The following TCP10L variants were observed in gnomAD, a reference collection of about 807,000 sequenced individuals.
TCP10L encodes the protein T-complex protein 10A homolog 1.
In TCP10L, 11 loss-of-function variants were observed where a neutral mutation model predicts 19.2. The observed-to-expected ratio is 0.57, with a 90% CI of 0.36 to 0.95. The LOEUF (loss-of-function observed/expected upper bound fraction) is 0.95, where lower values mean the gene tolerates loss of function less well. Ranked by LOEUF, TCP10L falls within the 40% of genes least tolerant of loss-of-function variation. The pLI is 0.01. For synonymous variants in TCP10L, 96 were observed against 97.2 expected (o/e 0.99, Z 0.07); for missense variants, 247 against 263.9 (o/e 0.94, Z 0.44).
rs188851727 is a variant in TCP10L, at chr21:32,575,894, C to G, written c.*880G>C. On this transcript the variant is annotated 3_prime_UTR_variant, in exon 5 of 5. Transcript: ENST00000300258. ...CAAATGGAGAAAGGGGAACAAAGCA[C>G]CCAAGTGCATCTAGCCCCAGCCACA... 5.8e-6 allele frequency: 1 copy of G among 173,240 alleles called. No homozygotes were observed. The highest frequency in any genetic ancestry group is 5.8e-5 in the Admixed American group (1 of 17,274). 10.7% of individuals were successfully genotyped at this position (173,240 alleles called of 1,614,324 possible).
rs1429962540 is a variant in TCP10L at position 32,582,771 on chromosome 21, T to C, written c.145-356A>G. On this transcript the variant is annotated intron_variant, in intron 2 of 4. Transcript: ENST00000300258. This position sits in a 1 kb window ranked among gnomAD's most constrained non-coding sequence, Gnocchi z 4.2. ...CCATACTTCGCTAATTTTTGTATTT[T>C]TACTCGGGATGGGGGTTCACCATGT... is the stretch of plus-strand genomic sequence containing the variant. Among the ~76,000 whole-genome samples, 1 of 151,996 alleles carries C rather than the reference T, an allele frequency of 6.6e-6. No homozygotes were observed. The highest frequency in any genetic ancestry group is 1.5e-5 in the Non-Finnish European group (1 of 68,018).
Position 32,576,829 on chromosome 21 carries a change from C to T in TCP10L, c.593G>A (p.Arg198Lys), listed in dbSNP as rs191355375. Residue 198 changes from arginine to lysine, a missense_variant, in exon 5 of 5, where the codon AGA becomes AAA. By Grantham distance (26) the Arg-to-Lys change is conservative. Coordinates refer to ENST00000300258, the MANE Select transcript of TCP10L (RefSeq NM_144659.7). ...AGTTGGCCTTCCAGTAGGTGTTGCT[C>T]TTCTGTCTTGACGTCTCCTGGAAAG... ...KNLSRRRQDR[R>K]ATPTGRPTPC... The T allele has an allele frequency of 5.0e-6, 8 of 1,614,140 alleles. No individual in the cohort carries two copies. The highest frequency in any genetic ancestry group is 6.8e-6 in the Non-Finnish European group (8 of 1,180,030).
rs559277524 is a variant in TCP10L, at chr21:32,580,896, A to T, written c.360+1304T>A. On this transcript the variant is annotated intron_variant, in intron 3 of 4. Coordinates refer to ENST00000300258, the MANE Select transcript of TCP10L (RefSeq NM_144659.7). ...TGAGAATGCTGGTTCTTCGTTCGGGATAGAGCAGGTTAGTGATACAGGATG... is the reference window on the plus strand; with the variant it reads ...TGAGAATGCTGGTTCTTCGTTCGGGTTAGAGCAGGTTAGTGATACAGGATG... Among the ~76,000 whole-genome samples, 372 of 152,276 alleles carry T rather than the reference A, an allele frequency of 2.4e-3. 1 individual carries two copies. Among genetic ancestry groups the T allele is most frequent in the Admixed American group, 3.5e-3 (53 of 15,298 alleles).
chr21:32,584,771 C>T (rs901543825), intron 1 of TCP10L, among the ~76,000 whole-genome samples: 5 of 151,972 alleles, frequency 3.3e-5, no homozygotes, highest in East Asian at 1.9e-4. Context: ...CATGAGACAC[C>T]GAGGGAATTC....
rs780647088 is a variant in TCP10L, at chr21:32,582,210, G to A, written c.350C>T (p.Ser117Leu). The change falls in exon 3 of 5, where the codon TCG (serine) becomes TTG (leucine). Residue 117 changes from serine (S) to leucine (L), a missense_variant. Ser to Leu is a moderately radical substitution (Grantham distance 145). Transcript: ENST00000300258. This position sits in a 1 kb window ranked among gnomAD's most constrained non-coding sequence, Gnocchi z 4.2. ...ATGCGCTTTTGGTACCAGAGTGTGC[G>A]ATTCTTGCCCCGCGTGTGGGGACGC... is the stretch of plus-strand genomic sequence containing the variant. ...SAASPHAGQESHTLALEPAFG... is the reference protein window; with the variant it reads ...SAASPHAGQELHTLALEPAFG... 14 of 1,613,934 alleles carry A rather than the reference G, an allele frequency of 8.7e-6. No individual in the cohort carries two copies. Among genetic ancestry groups the A allele is most frequent in the African/African-American group, 6.7e-5 (5 of 74,910 alleles).
At chr21:32,577,428 G>C (rs1601121573) in intron 4 of TCP10L, 2 of 152,806 alleles carry the variant, frequency 1.3e-5, no homozygotes, top group East Asian at 1.9e-4. Flanking sequence ...TTTCCTACTT[G>C]TGACAAATGC....
Position 32,582,098 on chromosome 21 carries a change from G to C in TCP10L, c.360+102C>G. The C allele has an allele frequency of 1.5e-6, 2 of 1,333,200 alleles. No individual in the cohort carries two copies. The highest frequency in any genetic ancestry group is 2.7e-5 in the South Asian group (2 of 73,638). The allele number at this position is 1,333,200 out of a possible 1,614,324, so 82.6% of individuals were successfully genotyped here. A position where few individuals can be genotyped will look rare whatever the true frequency, so the allele number is the denominator to read the frequency against. ...AGCAACCCCTCCCACCACCCGGAGCGTGAGTGATACCGCGTCATTCAGCAA... is the reference window on the plus strand; with the variant it reads ...AGCAACCCCTCCCACCACCCGGAGCCTGAGTGATACCGCGTCATTCAGCAA... On this transcript the variant is annotated intron_variant, in intron 3 of 4. Transcript: ENST00000300258. The surrounding 1 kb of genome is among the most constrained non-coding windows in gnomAD (Gnocchi z 4.2).
chr21:32,576,512 A>C lies in TCP10L; in HGVS notation c.*262T>G. On this transcript the variant is annotated 3_prime_UTR_variant, in exon 5 of 5. Coordinates refer to ENST00000300258, the MANE Select transcript of TCP10L (RefSeq NM_144659.7). ...GTTAATTTTTTTAAAGACTCTGCAG[A>C]AATATACCAACTACAGAGCTCAGGA... is the stretch of plus-strand genomic sequence containing the variant. The C allele has an allele frequency of 3.3e-6, 2 of 610,038 alleles. No individual in the cohort carries two copies. The highest frequency in any genetic ancestry group is 5.6e-6 in the Non-Finnish European group (2 of 357,360). 37.8% of individuals were successfully genotyped at this position (610,038 alleles called of 1,614,324 possible).
chr21:32,578,655 C>T lies in TCP10L; in HGVS notation c.498+39G>A. On this transcript the variant is annotated intron_variant, in intron 4 of 4. Transcript: ENST00000300258. The surrounding 1 kb of genome is among the most constrained non-coding windows in gnomAD (Gnocchi z 4.2). ...GGATGTGTGTGTTTGGGTACAGAAC[C>T]TCTGCTTCTCTTTACAGATGATAAG... The T allele has an allele frequency of 6.3e-7, 1 of 1,595,532 alleles. No individual in the cohort carries two copies. The highest frequency in any genetic ancestry group is 1.3e-5 in the African/African-American group (1 of 74,312).
chr21:32,580,334 C>G (rs1263614321), intron 3 of TCP10L, among the ~76,000 whole-genome samples: 1 of 152,032 alleles, frequency 6.6e-6, no homozygotes, highest in Admixed American at 6.5e-5. Context: ...TCTCAATCTC[C>G]TGACCTCACG....
intron 3 of TCP10L, among the ~76,000 whole-genome samples, chr21:32,580,476 CTGTGTGTGTGTGTGTG>C (rs3056366): frequency 1.2e-4 from 17 of 137,318 alleles, no homozygotes; most frequent in South Asian, 7.6e-4. Context: ...CGGTGGGTGC[CTGTGTGTGTGTGTGTG>C]TGTGTGTGTG....
rs776942101 is a variant in TCP10L, at chr21:32,578,862, C to T, written c.361-31G>A. The T allele has an allele frequency of 1.2e-6, 2 of 1,612,922 alleles. No individual in the cohort carries two copies. Among genetic ancestry groups the T allele is most frequent in the Non-Finnish European group, 1.7e-6 (2 of 1,179,744 alleles). ...AGACAAAATGCAGGGAAATTCTTCA[C>T]ATTTTCGAAGGTAAAATAAATTCAA... On this transcript the variant is annotated intron_variant, in intron 3 of 4. Transcript: ENST00000300258. This position sits in a 1 kb window ranked among gnomAD's most constrained non-coding sequence, Gnocchi z 4.2.
rs1012126031 is a variant in TCP10L, at chr21:32,574,296, G to C, written c.*2478C>G. On this transcript the variant is annotated 3_prime_UTR_variant, in exon 5 of 5. Coordinates refer to ENST00000300258, the MANE Select transcript of TCP10L (RefSeq NM_144659.7). Reference sequence around the variant, plus strand: ...TGATAAAAAATGAAACTTTGACTTGGGAAACTCTTAAGCCATGAAAAATAT... The same window carrying C: ...TGATAAAAAATGAAACTTTGACTTGCGAAACTCTTAAGCCATGAAAAATAT... Among the ~76,000 whole-genome samples, 56 of 152,048 alleles carry C rather than the reference G, an allele frequency of 3.7e-4. No homozygotes were observed. The highest frequency in any genetic ancestry group is 3.7e-3 in the Admixed American group (56 of 15,264).
At chr21:32,585,239 C>T (rs930177736) in intron 1 of TCP10L, among the ~76,000 whole-genome samples, 182 bp downstream of exon 1, 11 of 152,200 alleles carry the variant, frequency 7.2e-5, no homozygotes, top group Non-Finnish European at 1.2e-4. Context: ...TCCTTCCCCG[C>T]GGAGACTGGG....
At position 32,582,408 on chromosome 21, in the gene TCP10L, T is replaced by A; in HGVS notation, c.152A>T (p.Gln51Leu). ...DCNTGEMPPLQQQIIRLHQEL... is the reference protein window; with the variant it reads ...DCNTGEMPPLLQQIIRLHQEL... ...TTGGTGGAGTCTGATGATCTGCTGC[T>A]GTAATGGCTGTTATTGGGAAGAGAA... Residue 51 changes from glutamine (Q) to leucine (L), a missense_variant, in exon 3 of 5, where the codon CAG (glutamine) becomes CTG (leucine). By Grantham distance (113) the Gln-to-Leu change is moderately radical (BLOSUM62 -2). Transcript: ENST00000300258. This position sits in a 1 kb window ranked among gnomAD's most constrained non-coding sequence, Gnocchi z 4.2. 6.2e-7 allele frequency: 1 copy of A among 1,611,240 alleles called. No individual in the cohort carries two copies. Among genetic ancestry groups the A allele is most frequent in the Non-Finnish European group, 8.5e-7 (1 of 1,179,378 alleles).
rs925550754 is a variant in TCP10L, at chr21:32,578,743, G to A, written c.449C>T (p.Ala150Val). Residue 150 changes from alanine to valine, a missense_variant, in exon 4 of 5, where the codon GCC becomes GTC. Physicochemically the swap from Ala to Val is moderately conservative, Grantham distance 64. Transcript: ENST00000300258. This position sits in a 1 kb window ranked among gnomAD's most constrained non-coding sequence, Gnocchi z 4.2. ...TGACGATCTTTGTCCCAGGAGAGTG[G>A]CACTCTGATTCTTGTGGCCAGCGTA... ...PKYAGHKNQS[A>V]TLLGQRSSSN... is the part of the protein sequence containing the mutation. 3 of 1,614,054 alleles carry A rather than the reference G, an allele frequency of 1.9e-6. No homozygotes were observed. Among genetic ancestry groups the A allele is most frequent in the African/African-American group, 2.7e-5 (2 of 74,916 alleles).
chr21:32,581,001 G>A lies in TCP10L; in HGVS notation c.360+1199C>T, dbSNP rs564273061. On this transcript the variant is annotated intron_variant, in intron 3 of 4. Coordinates refer to ENST00000300258, the MANE Select transcript of TCP10L (RefSeq NM_144659.7). ...CCTGGGCCTGTGCCCATGGACCTACGCATTTCTGCTTTTGTGCCCAAATGT... is the reference window on the plus strand; with the variant it reads ...CCTGGGCCTGTGCCCATGGACCTACACATTTCTGCTTTTGTGCCCAAATGT... Among the ~76,000 whole-genome samples, 11 of 152,344 alleles carry A rather than the reference G, an allele frequency of 7.2e-5. No individual in the cohort carries two copies. The East Asian group carries it at 1.2e-3, about 16-fold the overall frequency.
intron 4 of TCP10L, chr21:32,577,320 G>A (rs1601121469): frequency 5.7e-6 from 1 of 175,516 alleles, no homozygotes; most frequent in Non-Finnish European, 1.2e-5. Flanking sequence ...GGTCAATGAT[G>A]GAGCATGAGA....
intron 4 of TCP10L, chr21:32,577,558 C>T (rs1277176414): frequency 6.6e-6 from 1 of 152,354 alleles, no homozygotes; most frequent in African/African-American, 2.4e-5. Flanking sequence ...TCTCCATCCA[C>T]ATCAACCCAG....
Sources: gnomAD v4.1 joint callset for allele counts (sites outside exome capture counted in the v4.1 genomes callset) on GRCh38, gnomAD v4.1.1 for gene constraint, Gnocchi (gnomAD v3.1) non-coding constraint, MANE v1.5 for transcripts, NCBI Gene and HGNC (gene_info 2026-07-23, HGNC 2026-07-21) for gene names.